Variants in CNTNAP5 observed in about 807,000 individuals in gnomAD.
CNTNAP5 encodes the protein contactin-associated protein-like 5.
CNTNAP5 carries 72 observed loss-of-function variants against 150.2 expected under a neutral mutation model. The observed-to-expected ratio is 0.48, with a 90% CI of 0.40 to 0.58. The LOEUF is 0.58. Ranked by LOEUF, CNTNAP5 falls within the 20% of genes least tolerant of loss-of-function variation. The pLI, the probability that CNTNAP5 is intolerant of heterozygous loss-of-function variation, is 0.00. For synonymous variants in CNTNAP5, 672 were observed against 619.8 expected (o/e 1.08, Z -1.25); for missense variants, 1,636 against 1,626.2 (o/e 1.01, Z -0.10).
chr2:124,454,636 GT>G (rs1398843063), intron 6 of CNTNAP5, among the ~76,000 whole-genome samples: 3 of 152,024 alleles, frequency 2.0e-5, no homozygotes, highest in Non-Finnish European at 4.4e-5. Context: ...AGAGGATATG[GT>G]AGGCCACAAA....
At chr2:124,822,358 T>C (rs892088454) in intron 19 of CNTNAP5, among the ~76,000 whole-genome samples, 1 of 152,176 alleles carries the variant, frequency 6.6e-6, no homozygotes, top group Non-Finnish European at 1.5e-5. Context: ...GTCTTAACTC[T>C]TGCCCTCATT....
chr2:124,706,768 A>AAGAAGAAGAAGAAGAAGT (rs1558742877), intron 13 of CNTNAP5, among the ~76,000 whole-genome samples: 1 of 35,864 alleles, frequency 2.8e-5, no homozygotes, highest in Non-Finnish European at 5.4e-5. Flanking sequence ...GAAGAAGAAG[A>AAGAAGAAGAAGAAGAAGT]AGAAGAAGAA....
intron 1 of CNTNAP5, among the ~76,000 whole-genome samples, chr2:124,139,663 G>A (rs182225266): frequency 7.2e-5 from 11 of 152,158 alleles, no homozygotes; most frequent in Middle Eastern, 3.4e-3. Context: ...TCCTTCCTTC[G>A]GTCTCTCATT....
intron 1 of CNTNAP5, among the ~76,000 whole-genome samples, chr2:124,219,539 G>A (rs1394194989): frequency 1.3e-5 from 2 of 152,046 alleles, no homozygotes; most frequent in East Asian, 1.9e-4. Context: ...GATGGATGAG[G>A]CTTAGAAGGC....
At chr2:124,868,704 T>C (rs1386327680) in intron 20 of CNTNAP5, among the ~76,000 whole-genome samples, 4 of 152,302 alleles carry the variant, frequency 2.6e-5, no homozygotes, top group Middle Eastern at 6.8e-3. Flanking sequence ...AGGGTCGTTC[T>C]GAGCAGACGT....
intron 7 of CNTNAP5, among the ~76,000 whole-genome samples, chr2:124,501,402 C>T (rs547299953): frequency 6.6e-6 from 1 of 152,028 alleles, no homozygotes; most frequent in South Asian, 2.1e-4. Context: ...ACTTCCTTCT[C>T]GGGAATAGGA....
intron 4 of CNTNAP5, among the ~76,000 whole-genome samples, chr2:124,425,292 G>A (rs899779673): frequency 2.0e-5 from 3 of 152,118 alleles, no homozygotes; most frequent in Non-Finnish European, 4.4e-5. Context: ...TACCGTAAGG[G>A]AGAAAAATAA....
At chr2:124,451,051 A>AATATATATATATATAT (rs1553469335) in intron 6 of CNTNAP5, among the ~76,000 whole-genome samples, 3 of 65,302 alleles carry the variant, frequency 4.6e-5, no homozygotes, top group East Asian at 4.0e-4. Flanking sequence ...AAAAAAAAAA[A>AATATATATATATATAT]ATATATATAT....
intron 13 of CNTNAP5, among the ~76,000 whole-genome samples, chr2:124,696,407 A>G (rs1006520527): frequency 6.6e-6 from 1 of 152,146 alleles, no homozygotes; most frequent in African/African-American, 2.4e-5. Context: ...CTCCTTAAAC[A>G]TCCATTCTCT....
intron 3 of CNTNAP5, among the ~76,000 whole-genome samples, chr2:124,269,779 A>T (rs1173383464): frequency 6.6e-6 from 1 of 152,192 alleles, no homozygotes; most frequent in Non-Finnish European, 1.5e-5. Context: ...AAGAAGTAAA[A>T]AATGTATGTT....
intron 12 of CNTNAP5, among the ~76,000 whole-genome samples, chr2:124,623,164 G>A (rs963189): frequency 0.42 from 63,099 of 151,892 alleles, 14,803 homozygotes; most frequent in Non-Finnish European, 0.54. Context: ...CAAGCCACTG[G>A]GAATATAGAA....
At chr2:124,400,549 C>T (rs1357182898) in intron 3 of CNTNAP5, among the ~76,000 whole-genome samples, 2 of 152,168 alleles carry the variant, frequency 1.3e-5, no homozygotes, top group Non-Finnish European at 2.9e-5. Context: ...CACTCCTTAA[C>T]TCCAGGTGCT....
At chr2:124,356,005 TAA>T (rs1689990450) in intron 3 of CNTNAP5, among the ~76,000 whole-genome samples, 1 of 152,154 alleles carries the variant, frequency 6.6e-6, no homozygotes, top group African/African-American at 2.4e-5. Context: ...CTGTGAGTGT[TAA>T]GAGTAGGTAA....
intron 1 of CNTNAP5, among the ~76,000 whole-genome samples, chr2:124,063,520 AAGG>A (rs1478204024): frequency 7.9e-5 from 12 of 152,182 alleles, no homozygotes; most frequent in African/African-American, 2.4e-4. Flanking sequence ...TATAATTTAG[AAGG>A]AGAAGTTTAA....
chr2:124,497,681 G>A (rs1456972159), intron 7 of CNTNAP5, among the ~76,000 whole-genome samples: 2 of 152,134 alleles, frequency 1.3e-5, no homozygotes, highest in East Asian at 1.9e-4. Flanking sequence ...TCTATGCCAC[G>A]TGCTGAGACC....
intron 13 of CNTNAP5, among the ~76,000 whole-genome samples, chr2:124,649,074 G>T (rs909868560): frequency 2.0e-5 from 3 of 152,112 alleles, no homozygotes; most frequent in Non-Finnish European, 1.5e-5. Flanking sequence ...TCTTTCCAAA[G>T]AATTTTTAAC....
At chr2:124,805,789 C>T (rs1306913849) in intron 19 of CNTNAP5, among the ~76,000 whole-genome samples, 1 of 152,122 alleles carries the variant, frequency 6.6e-6, no homozygotes, top group Non-Finnish European at 1.5e-5. Flanking sequence ...TGTTGAGGAC[C>T]CTGCCTTTGT....
At chr2:124,648,453 A>G (rs6745271) in intron 13 of CNTNAP5, among the ~76,000 whole-genome samples, 83,837 of 151,866 alleles carry the variant, frequency 0.55, 23,728 homozygotes, top group Non-Finnish European at 0.62. Flanking sequence ...GGCAGGGCAA[A>G]CCTGTGGGTT....
At chr2:124,754,244 C>T (rs752782811) in intron 14 of CNTNAP5, among the ~76,000 whole-genome samples, 40 of 152,126 alleles carry the variant, frequency 2.6e-4, no homozygotes, top group Non-Finnish European at 7.4e-5. Flanking sequence ...GGCACACTAA[C>T]GTTCTATCCC....
Sources: gnomAD v4.1 joint callset for allele counts (sites outside exome capture counted in the v4.1 genomes callset) on GRCh38, gnomAD v4.1.1 for gene constraint, MANE v1.5 for transcripts, NCBI Gene and HGNC (gene_info 2026-07-23, HGNC 2026-07-21) for gene names.